KIF26B: variants seen among roughly 807,000 people sequenced by gnomAD.
KIF26B encodes the protein kinesin-like protein KIF26B.
KIF26B carries 63 observed loss-of-function variants against 151.2 expected under a neutral mutation model. That is an observed-to-expected ratio of 0.42 (90% CI 0.34 to 0.51). KIF26B has a LOEUF of 0.51. Ranked by LOEUF, KIF26B falls within the 20% of genes least tolerant of loss-of-function variation. The pLI is 0.07. For missense variants in KIF26B, 2,813 were observed against 2,913.6 expected (o/e 0.97, Z 0.79); for synonymous variants, 1,357 against 1,262.1 (o/e 1.08, Z -1.59).
At chr1:245,676,639 A>G (rs559115403) in intron 10 of KIF26B, among the ~76,000 whole-genome samples, 1 of 152,212 alleles carries the variant, frequency 6.6e-6, no homozygotes, top group South Asian at 2.1e-4. Flanking sequence ...CAATAGATTC[A>G]TGTGGCCCAA....
chr1:245,472,594 C>G (rs1659939257), intron 4 of KIF26B, among the ~76,000 whole-genome samples: 1 of 152,180 alleles, frequency 6.6e-6, no homozygotes, highest in Non-Finnish European at 1.5e-5. Flanking sequence ...GGTTAGGGAT[C>G]TTCAACCGGT....
At chr1:245,160,549 C>G (rs1668514482) in intron 2 of KIF26B, among the ~76,000 whole-genome samples, 1 of 152,086 alleles carries the variant, frequency 6.6e-6, no homozygotes, top group Admixed American at 6.6e-5. Flanking sequence ...TCCTACGAAA[C>G]AACAGCCCAA....
chr1:245,334,916 C>T (rs9428359), intron 2 of KIF26B, among the ~76,000 whole-genome samples: 13 of 152,176 alleles, frequency 8.5e-5, no homozygotes, highest in African/African-American at 2.9e-4. Flanking sequence ...CGAGTCTACA[C>T]ATGTATTAGG....
intron 4 of KIF26B, among the ~76,000 whole-genome samples, chr1:245,496,057 G>C (rs1005613884): frequency 6.6e-6 from 1 of 152,088 alleles, no homozygotes; most frequent in African/African-American, 2.4e-5. Context: ...AACACTAAAA[G>C]AAATACTAAA....
At chr1:245,310,534 G>A (rs1427218050) in intron 2 of KIF26B, among the ~76,000 whole-genome samples, 1 of 152,194 alleles carries the variant, frequency 6.6e-6, no homozygotes, top group Non-Finnish European at 1.5e-5. Flanking sequence ...GCTAGGAAAC[G>A]ATGTGCTGTT....
intron 2 of KIF26B, among the ~76,000 whole-genome samples, chr1:245,157,549 A>G (rs1668466217): frequency 6.6e-6 from 1 of 152,240 alleles, no homozygotes; most frequent in South Asian, 2.1e-4. Context: ...GTAGGCGTTT[A>G]GGAATGACTG....
chr1:245,566,996 G>T (rs2043017010), intron 5 of KIF26B, among the ~76,000 whole-genome samples: 1 of 152,138 alleles, frequency 6.6e-6, no homozygotes. Flanking sequence ...TGAGCCAAAA[G>T]CACGGGCTTA....
chr1:245,606,603 T>C lies in KIF26B; in HGVS notation c.1558-1048T>C, dbSNP rs1212962966. Reference sequence around the variant, plus strand: ...TGTATTAGCGGGTGTTCAGGGGAAATACAAAACATCATCGAGAGCCTGGTC... The same window carrying C: ...TGTATTAGCGGGTGTTCAGGGGAAACACAAAACATCATCGAGAGCCTGGTC... On this transcript the variant is annotated intron_variant, in intron 6 of 14. Coordinates refer to ENST00000407071, the MANE Select transcript of KIF26B (RefSeq NM_018012.4). The surrounding 1 kb of genome is among the most constrained non-coding windows in gnomAD (Gnocchi z 4.6). 2.6e-5 allele frequency among the ~76,000 whole-genome samples: 4 copies of C among 152,138 alleles called. No homozygotes were observed. Among genetic ancestry groups the C allele is most frequent in the Middle Eastern group, 3.2e-3 (1 of 316 alleles).
intron 2 of KIF26B, among the ~76,000 whole-genome samples, chr1:245,304,703 A>C (rs1671504389): frequency 6.6e-6 from 1 of 151,408 alleles, no homozygotes; most frequent in South Asian, 2.1e-4. Flanking sequence ...CCATCCCTCC[A>C]TCCATCCATC....
chr1:245,687,952 G>T lies in KIF26B; in HGVS notation c.4969G>T (p.Ala1657Ser). 6.3e-7 allele frequency: 1 copy of T among 1,591,640 alleles called. No homozygotes were observed. Among genetic ancestry groups the T allele is most frequent in the Non-Finnish European group, 8.5e-7 (1 of 1,170,950 alleles). The change falls in exon 12 of 15, where the codon GCC becomes TCC. Residue 1657 changes from alanine (A) to serine (S), a missense_variant. By Grantham distance (99) the Ala-to-Ser change is moderately conservative (BLOSUM62 1). Around this residue, in one of 3 missense-constraint regions of KIF26B, gnomAD observed 2,060 missense variants for 2,088.6 expected, o/e 0.99. Transcript: ENST00000407071. The surrounding 1 kb of genome is among the most constrained non-coding windows in gnomAD (Gnocchi z 4.9). ...DASSSSKLFS[A>S]KLEQLASRSN... ...CAGCAGCAGCAGCAAGCTCTTCAGT[G>T]CCAAGCTGGAGCAGCTGGCCAGCAG...
At chr1:245,487,244 A>T (rs1007715644) in intron 4 of KIF26B, among the ~76,000 whole-genome samples, 20 of 152,196 alleles carry the variant, frequency 1.3e-4, no homozygotes, top group African/African-American at 4.6e-4. Context: ...CATTTAACAG[A>T]TTTAAACAGA....
intron 2 of KIF26B, among the ~76,000 whole-genome samples, chr1:245,211,052 A>G (rs766918462): frequency 2.0e-5 from 3 of 152,202 alleles, no homozygotes; most frequent in Non-Finnish European, 4.4e-5. Context: ...ATGCTTGTAT[A>G]GGCCTTGTGT....
chr1:245,411,305 A>G (rs1250772419), intron 3 of KIF26B, among the ~76,000 whole-genome samples: 1 of 152,216 alleles, frequency 6.6e-6, no homozygotes, highest in Non-Finnish European at 1.5e-5. Context: ...TGGATCAACA[A>G]GTTTGCCTGA....
At chr1:245,534,161 CTT>C (rs200739798) in intron 4 of KIF26B, among the ~76,000 whole-genome samples, 4 of 145,536 alleles carry the variant, frequency 2.7e-5, no homozygotes, top group Non-Finnish European at 3.0e-5. Context: ...TGTGGCACCA[CTT>C]TTTTTTTTTT....
intron 4 of KIF26B, among the ~76,000 whole-genome samples, chr1:245,527,336 T>G (rs1212322494): frequency 6.6e-6 from 1 of 152,138 alleles, no homozygotes; most frequent in Non-Finnish European, 1.5e-5. Flanking sequence ...CCATGAGGAA[T>G]GGACTTTAAT....
intron 9 of KIF26B, among the ~76,000 whole-genome samples, chr1:245,632,203 G>C (rs540830028): frequency 6.6e-6 from 1 of 152,000 alleles, no homozygotes; most frequent in Non-Finnish European, 1.5e-5. Flanking sequence ...TGCTTTTGTT[G>C]TATCCCGTAG....
Position 245,391,890 on chromosome 1 carries a change from G to A in KIF26B, c.999+24523G>A, listed in dbSNP as rs115304010. Among the ~76,000 whole-genome samples the A allele has an allele frequency of 9.3e-3, 1,415 of 152,028 alleles. 21 individuals carry two copies. The highest frequency in any genetic ancestry group is 0.031 in the African/African-American group (1,289 of 41,474). On this transcript the variant is annotated intron_variant, in intron 3 of 14. Coordinates refer to ENST00000407071, the MANE Select transcript of KIF26B (RefSeq NM_018012.4). ...TGTATTTACGGTTGCTCTTATGCCAGAGCAACCAGTCCAGACTGGAGCAGA... is the reference window on the plus strand; with the variant it reads ...TGTATTTACGGTTGCTCTTATGCCAAAGCAACCAGTCCAGACTGGAGCAGA...
intron 2 of KIF26B, among the ~76,000 whole-genome samples, chr1:245,274,871 C>G (rs1027159705): frequency 6.6e-6 from 1 of 151,972 alleles, no homozygotes; most frequent in African/African-American, 2.4e-5. Context: ...GATGATATTT[C>G]TGGTTCTAGA....
At position 245,698,500 on chromosome 1, in the gene KIF26B, A is replaced by T. The variant is rs1370941903; in HGVS notation, c.6027+192A>T. On this transcript the variant is annotated intron_variant, in intron 13 of 14. Transcript: ENST00000407071. The surrounding 1 kb of genome is among the most constrained non-coding windows in gnomAD (Gnocchi z 4.0). ...GGACAGAGGCCTTGGAGAGAGCCCC[A>T]TGTTTCTCTTCCTGAAATGTTTTAA... is the stretch of plus-strand genomic sequence containing the variant. 6.6e-6 allele frequency among the ~76,000 whole-genome samples: 1 copy of T among 152,108 alleles called. No individual in the cohort carries two copies. Among genetic ancestry groups the T allele is most frequent in the African/African-American group, 2.4e-5 (1 of 41,432 alleles).
Sources: gnomAD v4.1 joint callset for allele counts (sites outside exome capture counted in the v4.1 genomes callset) on GRCh38, gnomAD v4.1.1 for gene constraint, gnomAD v4.1.1 regional missense constraint, Gnocchi (gnomAD v3.1) non-coding constraint, MANE v1.5 for transcripts, NCBI Gene and HGNC (gene_info 2026-07-23, HGNC 2026-07-21) for gene names.